Variants in GLIS3 observed in about 807,000 individuals in gnomAD.
GLIS3 encodes GLIS family zinc finger 3, also known as zinc finger protein GLIS3.
A neutral mutation model predicts 78.6 loss-of-function variants in GLIS3; 53 were observed. The ratio of observed to expected loss-of-function variants is 0.67; its 90% CI spans 0.54 to 0.85. The LOEUF is 0.85. Ranked by LOEUF, GLIS3 falls within the 40% of genes least tolerant of loss-of-function variation. GLIS3 has a pLI of 0.00. For synonymous variants in GLIS3, 684 were observed against 509.9 expected (o/e 1.34, Z -4.60); for missense variants, 1,703 against 1,231.1 (o/e 1.38, Z -5.74).
At chr9:4,061,346 G>A (rs1826642004) in intron 4 of GLIS3, among the ~76,000 whole-genome samples, 1 of 151,704 alleles carries the variant, frequency 6.6e-6, no homozygotes, top group African/African-American at 2.4e-5. Flanking sequence ...AGAGTTTGCT[G>A]AGAATGATGG....
At chr9:4,106,162 G>A (rs1481701887) in intron 4 of GLIS3, among the ~76,000 whole-genome samples, 1 of 152,126 alleles carries the variant, frequency 6.6e-6, no homozygotes, top group African/African-American at 2.4e-5. Flanking sequence ...CACTTGAGAT[G>A]GGCCAAAAGG....
In GLIS3 at chr9:3,932,414, G is replaced by T. The variant is rs764788688; in HGVS notation, c.1929C>A (p.Ser643=). 6.2e-7 allele frequency: 1 copy of T among 1,613,874 alleles called. No homozygotes were observed. Among genetic ancestry groups the T allele is most frequent in the South Asian group, 1.1e-5 (1 of 91,082 alleles). The change falls in exon 6 of 11, where the codon TCC becomes TCA. Residue 643 remains serine (S), a synonymous_variant. Transcript: ENST00000381971. ...GCTKRYTDPS[S]LRKHVKAHSS... Reference sequence around the variant, plus strand: ...AATGTGCCTTCACATGCTTTCTTAGGGAACTTGGGTCTGTGTAGCGTTTGG... The same window carrying T: ...AATGTGCCTTCACATGCTTTCTTAGTGAACTTGGGTCTGTGTAGCGTTTGG...
At chr9:3,897,592 CTA>C in intron 7 of GLIS3, among the ~76,000 whole-genome samples, 1 of 152,290 alleles carries the variant, frequency 6.6e-6, no homozygotes, top group Middle Eastern at 3.4e-3. Flanking sequence ...AAAGCAGAGG[CTA>C]TGTTGTCCCC....
intron 4 of GLIS3, among the ~76,000 whole-genome samples, chr9:4,007,840 A>G (rs1296585487): frequency 7.4e-6 from 1 of 135,004 alleles, no homozygotes; most frequent in Non-Finnish European, 1.5e-5. Flanking sequence ...AGACATTCGT[A>G]AGACTATTGC....
intron 2 of GLIS3, among the ~76,000 whole-genome samples, chr9:4,260,352 G>T (rs1377778582): frequency 6.6e-6 from 1 of 152,128 alleles, no homozygotes; most frequent in Admixed American, 6.5e-5. Context: ...CGATCACGAG[G>T]TCAGGAGTTC....
the GLIS3 span, among the ~76,000 whole-genome samples, chr9:4,379,686 C>T: frequency 3.9e-5 from 6 of 152,278 alleles, no homozygotes; most frequent in East Asian, 7.7e-4. Flanking sequence ...TACACCATCC[C>T]GCTCCATTTG....
intron 1 of GLIS3, among the ~76,000 whole-genome samples, chr9:4,289,609 G>A (rs1022123347): frequency 6.6e-6 from 1 of 152,018 alleles, no homozygotes; most frequent in African/African-American, 2.4e-5. Context: ...ATTCTAGTCA[G>A]CATTTTCTCC....
chr9:4,395,685 T>C, the GLIS3 span, among the ~76,000 whole-genome samples: 1 of 152,244 alleles, frequency 6.6e-6, no homozygotes, highest in Admixed American at 6.5e-5. Flanking sequence ...CTGCTCTAAC[T>C]TGAATTTATT....
intron 4 of GLIS3, among the ~76,000 whole-genome samples, chr9:3,962,463 T>G (rs1235661951): frequency 2.9e-4 from 44 of 152,102 alleles, no homozygotes; most frequent in Admixed American, 2.9e-3. Context: ...ATTTTCTCTT[T>G]TTAAAGGGGG....
At chr9:3,830,943 G>T (rs527424368) in intron 9 of GLIS3, among the ~76,000 whole-genome samples, 1 of 152,226 alleles carries the variant, frequency 6.6e-6, no homozygotes, top group Admixed American at 6.5e-5. Flanking sequence ...CACCCTTGCT[G>T]GGACACTGGG....
At chr9:4,201,615 T>C (rs1341557979) in intron 2 of GLIS3, among the ~76,000 whole-genome samples, 2 of 151,936 alleles carry the variant, frequency 1.3e-5, no homozygotes, top group Non-Finnish European at 2.9e-5. Flanking sequence ...TACCCAGGAA[T>C]AGAGCTAACC....
intron 2 of GLIS3, among the ~76,000 whole-genome samples, chr9:4,198,380 G>T (rs1819059004): frequency 6.6e-6 from 1 of 152,062 alleles, no homozygotes; most frequent in Non-Finnish European, 1.5e-5. Context: ...AACTCTAGAA[G>T]TAGAAAACTC....
intron 1 of GLIS3, 69 bp downstream of exon 1, chr9:4,299,352 C>T (rs1218603621): frequency 6.6e-6 from 1 of 152,272 alleles, no homozygotes; most frequent in Admixed American, 6.5e-5. Context: ...TTAACTCCCC[C>T]ACACTCTCAA....
intron 2 of GLIS3, among the ~76,000 whole-genome samples, chr9:4,142,972 T>C (rs889420246): frequency 6.6e-6 from 1 of 152,162 alleles, no homozygotes; most frequent in East Asian, 1.9e-4. Context: ...TCCGCTTCCC[T>C]TTCTTCTCTC....
At chr9:4,418,734 T>C in the GLIS3 span, among the ~76,000 whole-genome samples, 2 of 151,476 alleles carry the variant, frequency 1.3e-5, no homozygotes, top group African/African-American at 4.8e-5. Flanking sequence ...TGGAGAAAGA[T>C]GTTGATTCCA....
chr9:4,066,092 G>GA lies in GLIS3; in HGVS notation c.1710+51675dup, dbSNP rs1037839965. Among the ~76,000 whole-genome samples, 25 of 139,638 alleles carry GA rather than the reference G, an allele frequency of 1.8e-4. No individual in the cohort carries two copies. In the South Asian group the frequency reaches 2.1e-3, roughly 12 times the overall value. The allele number at this position is 139,638 out of a possible 152,430, so 91.6% of individuals were successfully genotyped here. ...ACTTAAATCCTTTAATGAATTTTAAGAAAAAAAAATCACATGTCAAGCCAT... is the reference window on the plus strand; with the variant it reads ...ACTTAAATCCTTTAATGAATTTTAAGAAAAAAAAAATCACATGTCAAGCCAT... On this transcript the variant is annotated intron_variant, in intron 4 of 10. Coordinates refer to ENST00000381971, the MANE Select transcript of GLIS3 (RefSeq NM_001042413.2).
At chr9:3,991,821 G>C (rs891096301) in intron 4 of GLIS3, among the ~76,000 whole-genome samples, 3 of 151,568 alleles carry the variant, frequency 2.0e-5, no homozygotes, top group Non-Finnish European at 2.9e-5. Context: ...CTCCCGAGTA[G>C]CTGGGACTAC....
At chr9:3,944,951 G>A (rs1816191435) in intron 4 of GLIS3, among the ~76,000 whole-genome samples, 1 of 152,218 alleles carries the variant, frequency 6.6e-6, no homozygotes, top group South Asian at 2.1e-4. Flanking sequence ...AACACAAGAG[G>A]TGGCCTCACT....
chr9:4,450,364 ACG>A, the GLIS3 span, among the ~76,000 whole-genome samples: 1 of 152,210 alleles, frequency 6.6e-6, no homozygotes, highest in African/African-American at 2.4e-5. Context: ...GACTAAATCT[ACG>A]TTTGATTGGT....
Sources: allele counts gnomAD v4.1 joint callset (sites outside exome capture counted in the v4.1 genomes callset), GRCh38; gene constraint gnomAD v4.1.1; transcripts MANE v1.5; gene names NCBI Gene and HGNC (gene_info 2026-07-23, HGNC 2026-07-21).